The following ENOX1 variants were observed in gnomAD, a reference collection of about 807,000 sequenced individuals.
The protein encoded by ENOX1 is ecto-NOX disulfide-thiol exchanger 1.
Under a neutral mutation model 82.5 loss-of-function variants are expected in ENOX1, and 42 were observed. The observed-to-expected ratio is 0.51, with a 90% CI of 0.40 to 0.66. ENOX1 has a LOEUF of 0.66. Among genes scored for constraint, ENOX1 ranks in the 30% least tolerant of loss-of-function variants. ENOX1 has a pLI of 0.00. For missense variants in ENOX1, 608 were observed against 811.6 expected (o/e 0.75, Z 3.05); for synonymous variants, 271 against 282.2 (o/e 0.96, Z 0.40).
intron 7 of ENOX1, among the ~76,000 whole-genome samples, chr13:43,356,829 C>A (rs536673064): frequency 6.6e-6 from 1 of 152,062 alleles, no homozygotes; most frequent in African/African-American, 2.4e-5. Context: ...CCGCTGCCTG[C>A]CTCACAGCCC....
intron 2 of ENOX1, among the ~76,000 whole-genome samples, chr13:43,632,987 A>T (rs951031844): frequency 5.3e-5 from 8 of 152,066 alleles, no homozygotes; most frequent in African/African-American, 1.9e-4. Flanking sequence ...TTCTGCTATC[A>T]TTTACTTTTT....
intron 8 of ENOX1, among the ~76,000 whole-genome samples, chr13:43,348,026 G>A (rs540093128): frequency 5.9e-5 from 9 of 152,172 alleles, no homozygotes; most frequent in Non-Finnish European, 1.0e-4. Flanking sequence ...CCATCCGTCC[G>A]TCCCCGCTTC....
intron 5 of ENOX1, among the ~76,000 whole-genome samples, chr13:43,410,185 G>A (rs946560028): frequency 2.0e-5 from 3 of 152,156 alleles, no homozygotes; most frequent in Non-Finnish European, 2.9e-5. Flanking sequence ...TCTAGAAGTC[G>A]TACTACATTT....
chr13:43,263,096 GATTA>G lies in ENOX1; in HGVS notation c.1611+2298_1611+2301del, dbSNP rs577750203. Among the ~76,000 whole-genome samples the G allele has an allele frequency of 4.7e-3, 715 of 152,294 alleles. 8 individuals are homozygous for G. Among genetic ancestry groups the G allele is most frequent in the African/African-American group, 0.016 (678 of 41,554 alleles). On this transcript the variant is annotated intron_variant, in intron 14 of 16. Coordinates refer to ENST00000690772, the MANE Select transcript of ENOX1 (RefSeq NM_001347969.2). ...CTAATGTGAGGGCAAAATAATTGAT[GATTA>G]ATTCTTTTCTTTCACATACCCTAGT...
At chr13:43,408,163 G>A (rs761144913) in intron 5 of ENOX1, among the ~76,000 whole-genome samples, 1 of 152,174 alleles carries the variant, frequency 6.6e-6, no homozygotes, top group East Asian at 1.9e-4. Context: ...TGGAAGAGGC[G>A]TCACTGTGGA....
chr13:43,662,118 T>C (rs907499623), intron 2 of ENOX1, among the ~76,000 whole-genome samples: 2 of 152,176 alleles, frequency 1.3e-5, no homozygotes, highest in African/African-American at 4.8e-5. Flanking sequence ...GAGAACAAGG[T>C]CCATTAGGCC....
At chr13:43,484,792 A>G (rs2076357640) in intron 2 of ENOX1, among the ~76,000 whole-genome samples, 1 of 152,236 alleles carries the variant, frequency 6.6e-6, no homozygotes, top group Non-Finnish European at 1.5e-5. Flanking sequence ...TTAGTTTTAT[A>G]TTAAATATCA....
intron 2 of ENOX1, among the ~76,000 whole-genome samples, chr13:43,520,050 T>C (rs2077704258): frequency 6.6e-6 from 1 of 152,194 alleles, no homozygotes; most frequent in Non-Finnish European, 1.5e-5. Context: ...CTGGGCCCCA[T>C]TCATCTTAGT....
intron 9 of ENOX1, among the ~76,000 whole-genome samples, chr13:43,331,988 A>G (rs2048435093): frequency 6.6e-6 from 1 of 152,196 alleles, no homozygotes; most frequent in African/African-American, 2.4e-5. Context: ...GGAATTTCAA[A>G]TAGAGGAAGA....
intron 2 of ENOX1, among the ~76,000 whole-genome samples, chr13:43,561,672 G>A (rs1230152523): frequency 6.6e-6 from 1 of 152,066 alleles, no homozygotes; most frequent in African/African-American, 2.4e-5. Context: ...CCACAGAAAA[G>A]GGAGGCCCAA....
intron 10 of ENOX1, among the ~76,000 whole-genome samples, chr13:43,324,796 C>T (rs972773639): frequency 6.6e-6 from 1 of 152,120 alleles, no homozygotes; most frequent in Non-Finnish European, 1.5e-5. Flanking sequence ...CTCCCCACCA[C>T]ACCCACGCAG....
chr13:43,464,369 C>G (rs9316026), intron 3 of ENOX1, among the ~76,000 whole-genome samples: 56,593 of 151,780 alleles, frequency 0.37, 12,277 homozygotes, highest in Non-Finnish European at 0.5. Flanking sequence ...TGTTGAGGAG[C>G]TTGCATTTAG....
At chr13:43,654,949 A>G (rs970270723) in intron 2 of ENOX1, among the ~76,000 whole-genome samples, 1 of 151,910 alleles carries the variant, frequency 6.6e-6, no homozygotes, top group Non-Finnish European at 1.5e-5. Context: ...CACTCCAACC[A>G]CTCTGTTTCT....
At chr13:43,263,927 A>G (rs919377257) in intron 14 of ENOX1, among the ~76,000 whole-genome samples, 1 of 150,816 alleles carries the variant, frequency 6.6e-6, no homozygotes, top group African/African-American at 2.4e-5. Context: ...AGGGTCATGA[A>G]TATGAGAGTG....
intron 11 of ENOX1, among the ~76,000 whole-genome samples, chr13:43,305,468 A>C (rs1226537750): frequency 6.6e-6 from 1 of 152,176 alleles, no homozygotes; most frequent in Non-Finnish European, 1.5e-5. Context: ...CAGCGGAATA[A>C]GGGTAATTTC....
chr13:43,485,452 T>C (rs1016406288), intron 2 of ENOX1, among the ~76,000 whole-genome samples: 3 of 152,090 alleles, frequency 2.0e-5, no homozygotes, highest in Admixed American at 1.3e-4. Context: ...GCCAGGAAGG[T>C]CATGCATAAC....
At chr13:43,459,238 G>T (rs1209830869) in intron 3 of ENOX1, 3 of 152,162 alleles carry the variant, frequency 2.0e-5, no homozygotes, top group African/African-American at 7.2e-5. Context: ...TAGTGGATTT[G>T]CCTTGATTAT....
At chr13:43,283,090 G>A (rs200409659) in intron 12 of ENOX1, among the ~76,000 whole-genome samples, 10 of 139,488 alleles carry the variant, frequency 7.2e-5, no homozygotes, top group Non-Finnish European at 1.1e-4. Flanking sequence ...CTCAAGAAAA[G>A]AAAAAAAAAA....
At chr13:43,271,766 G>A (rs1273297378) in intron 12 of ENOX1, among the ~76,000 whole-genome samples, 1 of 151,636 alleles carries the variant, frequency 6.6e-6, no homozygotes. Context: ...TCCATTCTTG[G>A]ATTCACACTT....
Sources: gnomAD v4.1 joint callset for allele counts (sites outside exome capture counted in the v4.1 genomes callset) on GRCh38, gnomAD v4.1.1 for gene constraint, MANE v1.5 for transcripts, NCBI Gene and HGNC (gene_info 2026-07-23, HGNC 2026-07-21) for gene names.